The following DNAH12 variants were observed in gnomAD, a reference collection of about 807,000 sequenced individuals.
The protein encoded by DNAH12 is dynein axonemal heavy chain 12.
Under a neutral mutation model 371.5 loss-of-function variants are expected in DNAH12, and 285 were observed. The observed-to-expected ratio is 0.77, with a 90% CI of 0.70 to 0.85. The LOEUF is 0.85. Among genes scored for constraint, DNAH12 ranks in the 40% least tolerant of loss-of-function variants. The pLI is 0.00. For missense variants in DNAH12, 3,611 were observed against 3,689.4 expected, an observed-to-expected ratio of 0.98 and a Z score of 0.55; for synonymous variants, 1,200 against 1,213.0, an observed-to-expected ratio of 0.99 and a Z score of 0.22.
In DNAH12 at chr3:57,334,677, G is replaced by C; in HGVS notation, c.9834-68C>G. On this transcript the variant is annotated intron_variant, in intron 61 of 73. Coordinates refer to ENST00000495027, the MANE Select transcript of DNAH12 (RefSeq NM_001366028.2). ...AACTTAAAAGAGATTGTTGAACAAGGAGTAGAAACCAGACAGCTATTTAAA... is the reference window on the plus strand; with the variant it reads ...AACTTAAAAGAGATTGTTGAACAAGCAGTAGAAACCAGACAGCTATTTAAA... 2.0e-6 allele frequency: 3 copies of C among 1,510,198 alleles called. No homozygotes were observed. The South Asian group carries it at 3.9e-5, about 20-fold the overall frequency. The allele number at this position is 1,510,198 out of a possible 1,614,324, so 93.5% of individuals were successfully genotyped here. A position where few individuals can be genotyped will look rare whatever the true frequency, so the allele number is the denominator to read the frequency against.
At chr3:57,543,619 C>A (rs1434461553) in intron 1 of DNAH12, among the ~76,000 whole-genome samples, 1 of 151,108 alleles carries the variant, frequency 6.6e-6, no homozygotes, top group Non-Finnish European at 1.5e-5. Flanking sequence ...CCGCCCCCAG[C>A]CAATCATTAA....
chr3:57,421,900 G>GTTTTTTTTTTTTT (rs1383551758), intron 35 of DNAH12, among the ~76,000 whole-genome samples, 194 bp from the exon 36 acceptor site: 63 of 97,656 alleles, frequency 6.5e-4, no homozygotes, highest in African/African-American at 1.1e-3. Flanking sequence ...ATGTTTGCAT[G>GTTTTTTTTTTTTT]TCTTTTTTTT....
intron 43 of DNAH12, among the ~76,000 whole-genome samples, chr3:57,397,862 A>G (rs1191868627): frequency 1.3e-5 from 2 of 152,126 alleles, no homozygotes; most frequent in African/African-American, 2.4e-5. Flanking sequence ...CTGTATTTCA[A>G]ATGGTCAGCT....
At chr3:57,545,242 C>A (rs1353935074), upstream of DNAH12, among the ~76,000 whole-genome samples, 9 of 150,364 alleles carry the variant, frequency 6.0e-5, no homozygotes, top group Non-Finnish European at 1.3e-4. Flanking sequence ...CTCCCAGGTT[C>A]AAGTGATTGT....
intron 59 of DNAH12, among the ~76,000 whole-genome samples, chr3:57,355,690 T>C (rs1384206085): frequency 1.3e-5 from 2 of 152,220 alleles, no homozygotes; most frequent in African/African-American, 2.4e-5. Context: ...AAACTTGATA[T>C]TGACATTTTT....
In DNAH12 at chr3:57,323,536, A is replaced by C; in HGVS notation, c.10062T>G (p.Ser3354Arg). The C allele has an allele frequency of 6.4e-7, 1 of 1,550,728 alleles. No individual in the cohort carries two copies. Among genetic ancestry groups the C allele is most frequent in the Non-Finnish European group, 8.7e-7 (1 of 1,146,728 alleles). The change falls in exon 63 of 74, where the codon AGT (serine) becomes AGG (arginine). Residue 3354 changes from serine (S) to arginine (R), a missense_variant. Around this residue, in one of 3 missense-constraint regions of DNAH12, gnomAD observed 2,266 missense variants for 2,236.9 expected, o/e 1.01. Coordinates refer to ENST00000495027, the MANE Select transcript of DNAH12 (RefSeq NM_001366028.2). ...VEPPPFDLTK[S>R]YLDSNCTIPL... ...GAATGGTGCAATTTGAATCCAAGTAACTCTTTGTCAAATCAAATGGTGGAG... is the reference window on the plus strand; with the variant it reads ...GAATGGTGCAATTTGAATCCAAGTACCTCTTTGTCAAATCAAATGGTGGAG...
intron 4 of DNAH12, among the ~76,000 whole-genome samples, chr3:57,515,992 C>G (rs778822907): frequency 1.7e-4 from 25 of 144,380 alleles, no homozygotes; most frequent in Non-Finnish European, 3.0e-5. Context: ...ATTAGTTGCT[C>G]ACTCCAAAAT....
intron 2 of DNAH12, among the ~76,000 whole-genome samples, chr3:57,540,805 C>T (rs929915568): frequency 1.3e-5 from 2 of 151,858 alleles, no homozygotes; most frequent in Non-Finnish European, 2.9e-5. Context: ...TGGTGTACGC[C>T]TGTAGTCCCA....
intron 70 of DNAH12, among the ~76,000 whole-genome samples, 188 bp downstream of exon 70, chr3:57,301,547 C>G (rs1201286234): frequency 6.6e-6 from 1 of 151,966 alleles, no homozygotes; most frequent in Non-Finnish European, 1.5e-5. Context: ...TATCACAAAG[C>G]TACTCATCAC....
In DNAH12 at chr3:57,470,435, G is replaced by A; in HGVS notation, c.2105+8C>T. On this transcript the variant is annotated splice_region_variant and intron_variant, in intron 16 of 73. Transcript: ENST00000495027. ...TTGCTTGATTTTTATTACATTACCA[G>A]CAATTACCGTTTTTCTGATCGCTGC... The A allele has an allele frequency of 6.7e-7, 1 of 1,493,620 alleles. No homozygotes were observed. Among genetic ancestry groups the A allele is most frequent in the Non-Finnish European group, 8.9e-7 (1 of 1,123,564 alleles). The allele number at this position is 1,493,620 out of a possible 1,614,324, so 92.5% of individuals were successfully genotyped here. A position where few individuals can be genotyped will look rare whatever the true frequency, so the allele number is the denominator to read the frequency against.
chr3:57,381,399 A>G, intron 50 of DNAH12, among the ~76,000 whole-genome samples: 1 of 152,310 alleles, frequency 6.6e-6, no homozygotes, highest in Middle Eastern at 3.4e-3. Context: ...CCTGAAAATA[A>G]AATTAGTCTG....
chr3:57,334,946 T>G lies in DNAH12; in HGVS notation c.9675-6A>C. The G allele has an allele frequency of 3.2e-6, 5 of 1,538,478 alleles. No homozygotes were observed. Among genetic ancestry groups the G allele is most frequent in the Non-Finnish European group, 4.4e-6 (5 of 1,143,766 alleles). On this transcript the variant is annotated splice_polypyrimidine_tract_variant and splice_region_variant and intron_variant, in intron 60 of 73. Transcript: ENST00000495027. ...ATTCAATCTCTTTCCTTGCCCTGTA[T>G]TCCCAAAATAAGGACTGTTATATAA...
At chr3:57,302,015 G>A in intron 69 of DNAH12, 76 bp from the exon 70 acceptor site, 1 of 1,445,820 alleles carries the variant, frequency 6.9e-7, no homozygotes, top group Non-Finnish European at 9.4e-7. Flanking sequence ...AGAACAGCAG[G>A]AATTTCATTC....
At position 57,336,329 on chromosome 3, in the gene DNAH12, G is replaced by A. The variant is rs571305606; in HGVS notation, c.9675-1389C>T. On this transcript the variant is annotated intron_variant, in intron 60 of 73. Transcript: ENST00000495027. ...AGATGTGAAAGAGATAATTTAACTA[G>A]CCAGTAAGAATGTTAAAGTAGTTAT... is the stretch of plus-strand genomic sequence containing the variant. Among the ~76,000 whole-genome samples the A allele has an allele frequency of 3.9e-5, 6 of 152,202 alleles. No homozygotes were observed. In the South Asian group the frequency reaches 1.2e-3, roughly 32 times the overall value.
chr3:57,468,897 T>C lies in DNAH12; in HGVS notation c.2188A>G (p.Thr730Ala). 1 of 1,528,446 alleles carries C rather than the reference T, an allele frequency of 6.5e-7. No individual in the cohort carries two copies. 94.7% of individuals were successfully genotyped at this position (1,528,446 alleles called of 1,614,324 possible). A position where few individuals can be genotyped will look rare whatever the true frequency, so the allele number is the denominator to read the frequency against. The change falls in exon 17 of 74, where the codon ACA becomes GCA. Residue 730 changes from threonine (T) to alanine (A), a missense_variant. Coordinates refer to ENST00000495027, the MANE Select transcript of DNAH12 (RefSeq NM_001366028.2). ...VEEFSREIFK[T>A]LKFFQTKLKK... ...AGCTTCGTTTGGAAAAATTTTAGTG[T>C]CTTAAAAATTTCTCGGGAAAACTCT...
At chr3:57,382,960 C>G (rs2063426159) in intron 49 of DNAH12, among the ~76,000 whole-genome samples, 2 of 152,150 alleles carry the variant, frequency 1.3e-5, no homozygotes, top group African/African-American at 4.8e-5. Flanking sequence ...AATTAAAGTT[C>G]TGGGTGAGAA....
chr3:57,432,417 T>G (rs2064985710), intron 32 of DNAH12, among the ~76,000 whole-genome samples: 1 of 151,288 alleles, frequency 6.6e-6, no homozygotes, highest in South Asian at 2.1e-4. Context: ...TGACCTCAAA[T>G]GATCCACCTG....
At chr3:57,554,446 T>C in the DNAH12 span, among the ~76,000 whole-genome samples, 4 of 152,168 alleles carry the variant, frequency 2.6e-5, no homozygotes, top group South Asian at 6.2e-4. Flanking sequence ...ACAACTCTAA[T>C]GGCCCTCTTA....
rs1221293977 is a variant in DNAH12 at position 57,401,580 on chromosome 3, AAAG to A, written c.6948+1726_6948+1728del. On this transcript the variant is annotated intron_variant, in intron 43 of 73. Transcript: ENST00000495027. ...CTCCATCTCAAAAAAAAAAAAAAAA[AAAG>A]AAGAAGAAGAAGAAGAAAGACATAA... Among the ~76,000 whole-genome samples, 1,260 of 129,648 alleles carry A rather than the reference AAAG, an allele frequency of 9.7e-3. 55 individuals are homozygous for A. The highest frequency in any genetic ancestry group is 0.023 in the African/African-American group (785 of 34,042). 85.1% of individuals were successfully genotyped at this position (129,648 alleles called of 152,430 possible). A position where few individuals can be genotyped will look rare whatever the true frequency, so the allele number is the denominator to read the frequency against.
Sources: allele counts gnomAD v4.1 joint callset (sites outside exome capture counted in the v4.1 genomes callset), GRCh38; gene constraint gnomAD v4.1.1; regional missense constraint gnomAD v4.1.1; transcripts MANE v1.5; gene names NCBI Gene and HGNC (gene_info 2026-07-23, HGNC 2026-07-21).